CCDC158: variants seen among roughly 807,000 people sequenced by gnomAD.
The protein encoded by CCDC158 is coiled-coil domain-containing protein 158.
In CCDC158, 116 loss-of-function variants were observed where a neutral mutation model predicts 138.6. The ratio of observed to expected loss-of-function variants is 0.84; its 90% CI spans 0.72 to 0.98. CCDC158 has a LOEUF of 0.98. CCDC158 is among the 50% of genes least tolerant of loss of function. CCDC158 has a pLI of 0.00. For synonymous variants in CCDC158, 436 were observed against 442.4 expected, an observed-to-expected ratio of 0.99 and a Z score of 0.18; for missense variants, 1,265 against 1,306.1, an observed-to-expected ratio of 0.97 and a Z score of 0.48.
At chr4:76,349,486 T>C (rs1403823196) in intron 18 of CCDC158, among the ~76,000 whole-genome samples, 1 of 152,060 alleles carries the variant, frequency 6.6e-6, no homozygotes, top group Non-Finnish European at 1.5e-5. Context: ...CTGGGCAACA[T>C]AGTGAAACTC....
chr4:76,387,707 C>T (rs1266716628), intron 4 of CCDC158, among the ~76,000 whole-genome samples: 3 of 151,816 alleles, frequency 2.0e-5, no homozygotes, highest in Non-Finnish European at 4.4e-5. Flanking sequence ...CCTGTAATCC[C>T]AGCTACTCAG....
chr4:76,378,966 A>G (rs1725969893), intron 9 of CCDC158, among the ~76,000 whole-genome samples: 2 of 152,278 alleles, frequency 1.3e-5, no homozygotes, highest in African/African-American at 4.8e-5. Context: ...ATTGAGTAGC[A>G]GGGGGATCTG....
At chr4:76,409,748 G>A (rs777565058) in intron 2 of CCDC158, among the ~76,000 whole-genome samples, 60 of 152,096 alleles carry the variant, frequency 3.9e-4, no homozygotes, top group African/African-American at 9.4e-4. Flanking sequence ...GGAGAATGGC[G>A]TGAACCCGGG....
chr4:76,364,372 C>T (rs147606560), intron 12 of CCDC158, among the ~76,000 whole-genome samples: 46 of 152,272 alleles, frequency 3.0e-4, no homozygotes, highest in African/African-American at 1.1e-3. Flanking sequence ...GGGTGTAGGT[C>T]TGTGTCGTCT....
intron 2 of CCDC158, among the ~76,000 whole-genome samples, chr4:76,408,709 G>A (rs1007077233): frequency 6.6e-6 from 1 of 152,114 alleles, no homozygotes; most frequent in African/African-American, 2.4e-5. Context: ...CCCAGTAATG[G>A]GATGGCTGGG....
intron 10 of CCDC158, among the ~76,000 whole-genome samples, chr4:76,370,849 G>A (rs761699538): frequency 6.6e-6 from 1 of 152,166 alleles, no homozygotes; most frequent in African/African-American, 2.4e-5. Context: ...GCCTGCAAAG[G>A]ATGGCTTTAC....
At chr4:76,406,130 C>T (rs1177009752) in intron 2 of CCDC158, among the ~76,000 whole-genome samples, 1 of 151,982 alleles carries the variant, frequency 6.6e-6, no homozygotes, top group Non-Finnish European at 1.5e-5. Context: ...TTCAAAAAGA[C>T]TAAAAATAAA....
Position 76,328,922 on chromosome 4 carries a change from A to G in CCDC158, c.2988T>C (p.Gly996=), listed in dbSNP as rs1212617821. ...LHAGDREDPS[G]CFTFTSAASP... ...CACCTGCAGATGTGAATGTGAAGCA[A>G]CCAGAGGGATCTTCCCTGTCTCCTG... is the stretch of plus-strand genomic sequence containing the variant. Residue 996 remains glycine (G), a synonymous_variant, in exon 22 of 25, where the codon GGT becomes GGC. Transcript: ENST00000682701. The G allele has an allele frequency of 1.9e-6, 3 of 1,613,834 alleles. No homozygotes were observed. Among genetic ancestry groups the G allele is most frequent in the African/African-American group, 1.3e-5 (1 of 74,920 alleles).
At chr4:76,336,209 A>AAAAC (rs1721492336) in intron 18 of CCDC158, among the ~76,000 whole-genome samples, 1 of 147,946 alleles carries the variant, frequency 6.8e-6, no homozygotes, top group African/African-American at 2.5e-5. Flanking sequence ...AAAAAAAAAA[A>AAAAC]CCATTCAATT....
At chr4:76,346,097 C>T (rs1400313611) in intron 18 of CCDC158, among the ~76,000 whole-genome samples, 3 of 152,178 alleles carry the variant, frequency 2.0e-5, no homozygotes, top group Admixed American at 6.5e-5. Context: ...ACATCTACAA[C>T]CATCTGATCT....
intron 1 of CCDC158, among the ~76,000 whole-genome samples, chr4:76,417,354 G>C (rs555060925): frequency 6.6e-6 from 1 of 151,944 alleles, no homozygotes; most frequent in Non-Finnish European, 1.5e-5. Flanking sequence ...TCTCAGATGA[G>C]ACTTTGGACT....
Position 76,351,790 on chromosome 4 carries a change from CA to C in CCDC158, c.2467del (p.Cys823ValfsTer4), listed in dbSNP as rs770347124. The C allele has an allele frequency of 6.2e-7, 1 of 1,612,346 alleles. No individual in the cohort carries two copies. Among genetic ancestry groups the C allele is most frequent in the African/African-American group, 1.3e-5 (1 of 75,010 alleles). On this transcript the variant is annotated frameshift_variant, in exon 17 of 25. Transcript: ENST00000682701. LOFTEE classifies it high-confidence loss of function. ...CTCCTGACGCTGTATTATATCTTGA[CA>C]TTCTGCAAACTGCAAAGATGCCTAC... ...LDKASLQFAE[C>X]QDIIQRQEQE...
rs756041643 is a variant in CCDC158, at chr4:76,384,261, C to T, written c.553G>A (p.Val185Met). The T allele has an allele frequency of 6.2e-7, 1 of 1,614,130 alleles. No homozygotes were observed. The highest frequency in any genetic ancestry group is 8.5e-7 in the Non-Finnish European group (1 of 1,180,014). Reference sequence around the variant, plus strand: ...AGGATTGACCGGATTTCTTGAAGCACTCCCTCATGACTAAGCATCATTTTT... The same window carrying T: ...AGGATTGACCGGATTTCTTGAAGCATTCCCTCATGACTAAGCATCATTTTT... ...LRKMMLSHEGVLQEIRSILVD... is the reference protein window; with the variant it reads ...LRKMMLSHEGMLQEIRSILVD... Residue 185 changes from valine to methionine, a missense_variant, in exon 6 of 25, where the codon GTG becomes ATG. Transcript: ENST00000682701.
At chr4:76,379,775 C>T (rs1726056029) in intron 8 of CCDC158, among the ~76,000 whole-genome samples, 1 of 149,218 alleles carries the variant, frequency 6.7e-6, no homozygotes, top group African/African-American at 2.5e-5. Flanking sequence ...CACACACACA[C>T]ACACACGGTT....
At chr4:76,379,624 T>G (rs2110290293) in intron 8 of CCDC158, among the ~76,000 whole-genome samples, 1 of 152,284 alleles carries the variant, frequency 6.6e-6, no homozygotes, top group Admixed American at 6.5e-5. Context: ...CATTACACTA[T>G]TTTCTCTCTA....
chr4:76,378,265 G>A (rs10004784), intron 9 of CCDC158, among the ~76,000 whole-genome samples: 4,476 of 152,266 alleles, frequency 0.029, 217 homozygotes, highest in African/African-American at 0.1. Flanking sequence ...AAGAATTCGT[G>A]CTGCAATATA....
At chr4:76,375,779 C>T (rs752042945) in intron 9 of CCDC158, 43 of 569,746 alleles carry the variant, frequency 7.5e-5, no homozygotes, top group Non-Finnish European at 1.3e-4. Flanking sequence ...CTACATCTCA[C>T]ATTTTTTTGA....
intron 3 of CCDC158, 129 bp from the exon 4 acceptor site, chr4:76,396,615 A>G: frequency 1.6e-6 from 1 of 627,398 alleles, no homozygotes; most frequent in Admixed American, 3.0e-5. Context: ...GGTTCAAGCA[A>G]TTCTCCTGCC....
chr4:76,416,039 C>G (rs112770951), intron 1 of CCDC158, among the ~76,000 whole-genome samples: 1,601 of 152,342 alleles, frequency 0.011, 29 homozygotes, highest in African/African-American at 0.037. Context: ...CCTTCATCTT[C>G]CATCCTGTTC....
Sources: allele counts gnomAD v4.1 joint callset (sites outside exome capture counted in the v4.1 genomes callset), GRCh38; gene constraint gnomAD v4.1.1; transcripts MANE v1.5; gene names NCBI Gene and HGNC (gene_info 2026-07-23, HGNC 2026-07-21).